ZNF544: variants seen among roughly 807,000 people sequenced by gnomAD.
ZNF544 encodes zinc finger protein 544.
Under a neutral mutation model 13.5 loss-of-function variants are expected in ZNF544, and 10 were observed. That is an observed-to-expected ratio of 0.74 (90% CI 0.46 to 1.25). ZNF544 has a LOEUF of 1.25. Ranked by LOEUF, ZNF544 falls within the 50% of genes most tolerant of loss-of-function variation. ZNF544 has a pLI of 0.00. For synonymous variants in ZNF544, 323 were observed against 300.5 expected (o/e 1.07, Z -0.77); for missense variants, 896 against 845.6 (o/e 1.06, Z -0.74).
At chr19:58,247,323 A>C (rs1407594132) in intron 6 of ZNF544, 3 of 153,340 alleles carry the variant, frequency 2.0e-5, no homozygotes, top group Non-Finnish European at 4.4e-5. Flanking sequence ...GTGCAATGGC[A>C]CAATCTCGGC....
intron 4 of ZNF544, among the ~76,000 whole-genome samples, chr19:58,244,753 T>C (rs1168324941): frequency 6.6e-6 from 1 of 152,018 alleles, no homozygotes; most frequent in African/African-American, 2.4e-5. Context: ...TTTATTATAT[T>C]TTTAGTGGGG....
intron 4 of ZNF544, 131 bp from the exon 5 acceptor site, chr19:58,246,170 C>T (rs2045160162): frequency 1.3e-5 from 16 of 1,261,494 alleles, no homozygotes; most frequent in Admixed American, 3.4e-5. Flanking sequence ...CCTCTTAACA[C>T]TATCTCACTG....
At chr19:58,244,155 T>G in intron 4 of ZNF544, 99 bp downstream of exon 4, 1 of 1,033,102 alleles carries the variant, frequency 9.7e-7, no homozygotes, top group Non-Finnish European at 1.4e-6. Context: ...ACAGGAGCGC[T>G]CCGCAGTGCT....
At chr19:58,271,136 C>T (rs2050582583) in intron 5 of ZNF544, among the ~76,000 whole-genome samples, 1 of 150,498 alleles carries the variant, frequency 6.6e-6, no homozygotes. Context: ...CGTTTGAACC[C>T]AGGAAGTGGA....
rs1600285129 is a variant in ZNF544, at chr19:58,246,312, C to T, written c.45C>T (p.Cys15=). 6.2e-7 allele frequency: 1 copy of T among 1,614,038 alleles called. No homozygotes were observed. The highest frequency in any genetic ancestry group is 8.5e-7 in the Non-Finnish European group (1 of 1,179,982). Residue 15 remains cysteine, a synonymous_variant, in exon 5 of 7, where the codon TGC becomes TGT. Coordinates refer to ENST00000687789, the MANE Select transcript of ZNF544 (RefSeq NM_014480.4). ...SMLVPPQASV[C]FEDVAMAFTQ... The stretch of plus-strand genomic sequence containing the variant: ...GTGCCCTGTTTCAGGCATCTGTGTG[C>T]TTCGAGGATGTGGCTATGGCATTCA...
At chr19:58,276,223 A>G (rs1350462208) in intron 5 of ZNF544, 2 of 506,754 alleles carry the variant, frequency 3.9e-6, no homozygotes, top group African/African-American at 2.0e-5. Flanking sequence ...TTTCCCCTAA[A>G]GAGAATAGAT....
rs772420731 is a variant in ZNF544 at position 58,262,666 on chromosome 19, C to CATA, written c.2060_2061insATA (p.Tyr688dup). 5.0e-6 allele frequency: 8 copies of CATA among 1,613,946 alleles called. No homozygotes were observed. On this transcript the variant is annotated inframe_insertion, in exon 7 of 7. Coordinates refer to ENST00000687789, the MANE Select transcript of ZNF544 (RefSeq NM_014480.4). ...CACAGAATTCATTCTGGAGAGAAACCCTATGAATGTAGTGACTGTGGGAAA... is the reference window on the plus strand; with the variant it reads ...CACAGAATTCATTCTGGAGAGAAACCATACTATGAATGTAGTGACTGTGGGAAA...
At position 58,261,587 on chromosome 19, in the gene ZNF544, A is replaced by C. The variant is rs759008128; in HGVS notation, c.981A>C (p.Arg327Ser). Residue 327 changes from arginine to serine, a missense_variant, in exon 7 of 7, where the codon AGA becomes AGC. Transcript: ENST00000687789. ...ERSGPGETPF[R>S]CEERCAAFPM... ...GTGGCCCTGGAGAGACCCCCTTCAGATGTGAGGAACGCTGTGCTGCCTTCC... is the reference window on the plus strand; with the variant it reads ...GTGGCCCTGGAGAGACCCCCTTCAGCTGTGAGGAACGCTGTGCTGCCTTCC... 4.3e-6 allele frequency: 7 copies of C among 1,614,230 alleles called. No individual in the cohort carries two copies. Among genetic ancestry groups the C allele is most frequent in the Non-Finnish European group, 5.1e-6 (6 of 1,180,044 alleles).
chr19:58,236,564 T>C (rs142053510), intron 3 of ZNF544, among the ~76,000 whole-genome samples: 4 of 151,300 alleles, frequency 2.6e-5, no homozygotes, highest in Admixed American at 6.6e-5. Context: ...TTTTGAGATA[T>C]ATACTTATAG....
At chr19:58,252,217 C>G (rs1313161874) in intron 6 of ZNF544, among the ~76,000 whole-genome samples, 1 of 152,202 alleles carries the variant, frequency 6.6e-6, no homozygotes, top group Non-Finnish European at 1.5e-5. Context: ...TACAGCTTGT[C>G]TTTTAACCCT....
chr19:58,238,190 C>T (rs2042836971), intron 3 of ZNF544, among the ~76,000 whole-genome samples: 1 of 152,184 alleles, frequency 6.6e-6, no homozygotes, highest in African/African-American at 2.4e-5. Flanking sequence ...CCTTGGCCTC[C>T]CAGAGTGCTG....
Position 58,261,166 on chromosome 19 carries a change from C to A in ZNF544, c.560C>A (p.Pro187His). Reference protein sequence around the residue: ...TLPTSTGFPKPNSQVKELKQN... With the variant: ...TLPTSTGFPKHNSQVKELKQN... ...CCTACAAGTACAGGTTTCCCTAAGC[C>A]CAACTCACAAGTTAAAGAGTTGAAA... is the stretch of plus-strand genomic sequence containing the variant. Residue 187 changes from proline (P) to histidine (H), a missense_variant, in exon 7 of 7, where the codon CCC (proline) becomes CAC (histidine). By Grantham distance (77) the Pro-to-His change is moderately conservative. Transcript: ENST00000687789. The A allele has an allele frequency of 6.2e-7, 1 of 1,614,046 alleles. No individual in the cohort carries two copies. Among genetic ancestry groups the A allele is most frequent in the Non-Finnish European group, 8.5e-7 (1 of 1,180,032 alleles).
intron 4 of ZNF544, 57 bp from the exon 5 acceptor site, chr19:58,246,244 C>A (rs2045184027): frequency 1.2e-6 from 2 of 1,611,020 alleles, no homozygotes; most frequent in Non-Finnish European, 1.7e-6. Context: ...TAACAGGTAC[C>A]TCCGTGAGGG....
chr19:58,243,018 G>A (rs2044244232), intron 3 of ZNF544, among the ~76,000 whole-genome samples: 2 of 152,092 alleles, frequency 1.3e-5, no homozygotes, highest in African/African-American at 4.8e-5. Flanking sequence ...ATAGAGAGGG[G>A]GGTCTCACTT....
At chr19:58,231,175 G>A (rs926492303) in intron 3 of ZNF544, among the ~76,000 whole-genome samples, 1 of 150,322 alleles carries the variant, frequency 6.7e-6, no homozygotes, top group Non-Finnish European at 1.5e-5. Flanking sequence ...GGCCAAGGAT[G>A]TTAAGAAAAA....
At chr19:58,238,885 C>G (rs1372370227) in intron 3 of ZNF544, among the ~76,000 whole-genome samples, 1 of 150,892 alleles carries the variant, frequency 6.6e-6, no homozygotes, top group Non-Finnish European at 1.5e-5. Flanking sequence ...AAAAAAATTA[C>G]AATGCCCTGA....
chr19:58,261,500 T>C lies in ZNF544; in HGVS notation c.894T>C (p.Tyr298=), dbSNP rs754500930. The C allele has an allele frequency of 1.9e-6, 3 of 1,614,148 alleles. No homozygotes were observed. In the Admixed American group the frequency reaches 5.0e-5, roughly 27 times the overall value. Residue 298 remains tyrosine (Y), a synonymous_variant, in exon 7 of 7, where the codon TAT becomes TAC. Coordinates refer to ENST00000687789, the MANE Select transcript of ZNF544 (RefSeq NM_014480.4). ...QKPVHFGKSQ[Y]ECDECRETCS... ...CAGTGCATTTTGGGAAAAGTCAGTA[T>C]GAGTGTGATGAGTGCAGGGAAACCT...
chr19:58,230,866 T>C (rs1205657653), intron 3 of ZNF544, among the ~76,000 whole-genome samples: 1 of 151,934 alleles, frequency 6.6e-6, no homozygotes, highest in Admixed American at 6.6e-5. Context: ...TACTAATGAG[T>C]GCAGGCCTGC....
intron 3 of ZNF544, among the ~76,000 whole-genome samples, chr19:58,232,964 A>G (rs1448464393): frequency 1.3e-5 from 2 of 150,838 alleles, no homozygotes; most frequent in Non-Finnish European, 3.0e-5. Context: ...AAAAAAAAAA[A>G]AAAAAGACAT....
Sources: allele counts gnomAD v4.1 joint callset (sites outside exome capture counted in the v4.1 genomes callset), GRCh38; gene constraint gnomAD v4.1.1; transcripts MANE v1.5; gene names NCBI Gene and HGNC (gene_info 2026-07-23, HGNC 2026-07-21).